The following P2RY12 variants were observed in gnomAD, a reference collection of about 807,000 sequenced individuals.
P2RY12 encodes the protein P2Y purinoceptor 12.
In P2RY12, 3 loss-of-function variants were observed where a neutral mutation model predicts 4.5. That is an observed-to-expected ratio of 0.67 (90% confidence interval 0.31 to 1.74). P2RY12 has a LOEUF of 1.74. P2RY12 is among the 40% of genes most tolerant of loss of function. The probability of loss-of-function intolerance (pLI) is 0.09; values close to 1 mark genes in which losing one functional copy is unlikely to be tolerated. For synonymous variants in P2RY12, 148 were observed against 154.1 expected (o/e 0.96, Z 0.29); for missense variants, 356 against 407.8 (o/e 0.87, Z 1.09).
At chr3:151,367,790 C>G (rs3732764) in intron 1 of P2RY12, 2 of 1,584,372 alleles carry the variant, frequency 1.3e-6, no homozygotes, top group Non-Finnish European at 1.7e-6. Context: ...CATGAACATC[C>G]GTTGCTCTTT....
chr3:151,370,920 A>G (rs1756102675), intron 1 of P2RY12, among the ~76,000 whole-genome samples: 1 of 152,168 alleles, frequency 6.6e-6, no homozygotes, highest in Admixed American at 6.5e-5. Context: ...CTCTTCATCC[A>G]CATAATTTGG....
chr3:151,366,263 C>A (rs1009417026), intron 1 of P2RY12, among the ~76,000 whole-genome samples: 1 of 152,216 alleles, frequency 6.6e-6, no homozygotes, highest in African/African-American at 2.4e-5. Context: ...GTTGAGATTT[C>A]TTCCATATGG....
At position 151,338,849 on chromosome 3, in the gene P2RY12, T is replaced by C; in HGVS notation, c.-4A>G. Reference sequence around the variant, plus strand: ...TGAGGTTGTCGACGGCTTGCATTTCTTGTTGGTTACCTAGAGAACAAAAGA... The same window carrying C: ...TGAGGTTGTCGACGGCTTGCATTTCCTGTTGGTTACCTAGAGAACAAAAGA... On this transcript the variant is annotated 5_prime_UTR_variant, in exon 3 of 3. Transcript: ENST00000302632. 2.5e-6 allele frequency: 4 copies of C among 1,613,036 alleles called. No individual in the cohort carries two copies. The highest frequency in any genetic ancestry group is 3.4e-6 in the Non-Finnish European group (4 of 1,179,146).
intron 1 of P2RY12, among the ~76,000 whole-genome samples, chr3:151,359,433 C>T (rs1482436678): frequency 6.6e-6 from 1 of 152,104 alleles, no homozygotes; most frequent in Non-Finnish European, 1.5e-5. Context: ...TACTACATTG[C>T]CATTTCCTCA....
chr3:151,360,641 T>A, intron 1 of P2RY12: 4 of 1,582,618 alleles, frequency 2.5e-6, no homozygotes, highest in Non-Finnish European at 3.4e-6. Context: ...AGAAATAGGA[T>A]CATGCCTATG....
intron 1 of P2RY12, chr3:151,369,621 T>C: frequency 1.0e-6 from 1 of 975,180 alleles, no homozygotes; most frequent in Non-Finnish European, 1.5e-6. Flanking sequence ...ATTTTCAGGT[T>C]TAAATCTAGT....
At chr3:151,373,068 C>A (rs1307940812) in intron 1 of P2RY12, among the ~76,000 whole-genome samples, 2 of 152,044 alleles carry the variant, frequency 1.3e-5, no homozygotes, top group Non-Finnish European at 2.9e-5. Context: ...ATATTTTATT[C>A]TTTTGAATAT....
At chr3:151,339,896 T>A (rs1751585944) in intron 2 of P2RY12, among the ~76,000 whole-genome samples, 5 of 152,170 alleles carry the variant, frequency 3.3e-5, no homozygotes, top group Admixed American at 3.3e-4. Context: ...TGAAATTGAT[T>A]CTATATAAAA....
At chr3:151,365,394 T>C (rs1755153481) in intron 1 of P2RY12, among the ~76,000 whole-genome samples, 1 of 152,216 alleles carries the variant, frequency 6.6e-6, no homozygotes, top group Non-Finnish European at 1.5e-5. Context: ...GAGACAGTGC[T>C]TTCTTATTTA....
At chr3:151,365,494 G>A (rs1386675334) in intron 1 of P2RY12, among the ~76,000 whole-genome samples, 1 of 151,996 alleles carries the variant, frequency 6.6e-6, no homozygotes, top group East Asian at 1.9e-4. Flanking sequence ...AAGAATGCCT[G>A]TATTTTGAAA....
chr3:151,355,840 A>T, intron 1 of P2RY12: 1 of 1,449,540 alleles, frequency 6.9e-7, no homozygotes, highest in South Asian at 1.3e-5. Flanking sequence ...GATTTATCTT[A>T]GTAAAAGATT....
At chr3:151,383,853 C>T in intron 1 of P2RY12, 3 of 1,613,904 alleles carry the variant, frequency 1.9e-6, no homozygotes, top group Non-Finnish European at 2.5e-6. Context: ...TCCTTCAGAT[C>T]ATTACTTCAG....
intron 1 of P2RY12, among the ~76,000 whole-genome samples, chr3:151,376,545 G>T (rs1756875057): frequency 6.6e-6 from 1 of 152,144 alleles, no homozygotes; most frequent in Non-Finnish European, 1.5e-5. Flanking sequence ...TTTGAAAGGA[G>T]AAATGCTTAT....
chr3:151,369,860 A>G (rs7612010), intron 1 of P2RY12, among the ~76,000 whole-genome samples: 71,147 of 151,974 alleles, frequency 0.47, 18,391 homozygotes, highest in Middle Eastern at 0.66. Flanking sequence ...TGGTGGCAGA[A>G]ATCACACTTT....
chr3:151,369,907 G>C (rs1755973162), intron 1 of P2RY12, among the ~76,000 whole-genome samples: 1 of 152,102 alleles, frequency 6.6e-6, no homozygotes, highest in Non-Finnish European at 1.5e-5. Context: ...CTAACTAAAT[G>C]TTTACATTTT....
At chr3:151,384,254 T>A (rs1308516314) in intron 1 of P2RY12, 1 of 1,561,830 alleles carries the variant, frequency 6.4e-7, no homozygotes, top group East Asian at 2.3e-5. Context: ...TGAGCTCAAG[T>A]TGTTTATGGA....
chr3:151,364,833 A>T lies in P2RY12; in HGVS notation c.-180+19859T>A, dbSNP rs1024630319. ...AGTACTTTGATTAGCGCCAATTAGT[A>T]AGAAGTTCTAATTAAGAACTCATAA... is the stretch of plus-strand genomic sequence containing the variant. On this transcript the variant is annotated intron_variant, in intron 1 of 2. Transcript: ENST00000302632. The T allele has an allele frequency of 1.8e-5, 11 of 615,406 alleles. No homozygotes were observed. The African/African-American group carries it at 1.8e-4, about 10-fold the overall frequency. 38.1% of individuals were successfully genotyped at this position (615,406 alleles called of 1,614,324 possible).
At chr3:151,363,610 C>T (rs1754897497) in intron 1 of P2RY12, among the ~76,000 whole-genome samples, 1 of 152,170 alleles carries the variant, frequency 6.6e-6, no homozygotes, top group Non-Finnish European at 1.5e-5. Context: ...TGACAACCAA[C>T]ACATTTTTTA....
At chr3:151,368,997 G>A (rs548460187) in intron 1 of P2RY12, among the ~76,000 whole-genome samples, 22 of 152,038 alleles carry the variant, frequency 1.4e-4, no homozygotes, top group African/African-American at 4.3e-4. Context: ...TCCTGACCTC[G>A]TGATCCACCT....
Sources: allele counts gnomAD v4.1 joint callset (sites outside exome capture counted in the v4.1 genomes callset), GRCh38; gene constraint gnomAD v4.1.1; transcripts MANE v1.5; gene names NCBI Gene and HGNC (gene_info 2026-07-23, HGNC 2026-07-21).